The following AK5 variants were observed in gnomAD, a reference collection of about 807,000 sequenced individuals.
AK5 encodes the protein adenylate kinase 5, also known as adenylate kinase isoenzyme 5.
In AK5, 27 loss-of-function variants were observed where a neutral mutation model predicts 69.5. That is an observed-to-expected ratio of 0.39 (90% CI 0.29 to 0.54). The LOEUF (loss-of-function observed/expected upper bound fraction) is 0.54, where lower values mean the gene tolerates loss of function less well. Ranked by LOEUF, AK5 falls within the 20% of genes least tolerant of loss-of-function variation. AK5 has a pLI of 0.71. For missense variants in AK5, 531 were observed against 700.4 expected (o/e 0.76, Z 2.73); for synonymous variants, 260 against 244.4 (o/e 1.06, Z -0.60).
At chr1:77,467,264 A>G (rs527517686) in intron 8 of AK5, among the ~76,000 whole-genome samples, 2 of 152,250 alleles carry the variant, frequency 1.3e-5, no homozygotes, top group African/African-American at 4.8e-5. Flanking sequence ...CCCAAGCCTC[A>G]CTTTCTTTCC....
chr1:77,379,548 C>A (rs757205461), intron 6 of AK5, among the ~76,000 whole-genome samples: 1 of 152,126 alleles, frequency 6.6e-6, no homozygotes, highest in Admixed American at 6.5e-5. Context: ...GCAGTATGAT[C>A]CCCTGATACT....
intron 8 of AK5, among the ~76,000 whole-genome samples, chr1:77,453,655 A>T (rs925158280): frequency 1.4e-4 from 21 of 152,040 alleles, no homozygotes; most frequent in African/African-American, 4.6e-4. Flanking sequence ...GAAGGGACTG[A>T]CTCTTGCCTC....
At chr1:77,474,864 G>A (rs1375286360) in intron 8 of AK5, among the ~76,000 whole-genome samples, 1 of 152,092 alleles carries the variant, frequency 6.6e-6, no homozygotes, top group Non-Finnish European at 1.5e-5. Context: ...GAGCACAGTG[G>A]TGCAATCACA....
chr1:77,368,241 A>ATATATATATATATTT (rs71075737), intron 6 of AK5, among the ~76,000 whole-genome samples: 1 of 23,280 alleles, frequency 4.3e-5, no homozygotes, highest in Non-Finnish European at 1.1e-4. Flanking sequence ...ATATATATAT[A>ATATATATATATATTT]TATATATATA....
At chr1:77,412,457 C>T (rs74092611) in intron 7 of AK5, among the ~76,000 whole-genome samples, 2,346 of 152,234 alleles carry the variant, frequency 0.015, 65 homozygotes, top group African/African-American at 0.054. Flanking sequence ...CTCCTGAGAC[C>T]CCCTGAAAGC....
At position 77,350,901 on chromosome 1, in the gene AK5, A is replaced by G. The variant is rs542735877; in HGVS notation, c.891+10333A>G. On this transcript the variant is annotated intron_variant, in intron 6 of 13. Transcript: ENST00000354567. ...GGAGAGTAGAGTCAGTTGAATCACA[A>G]ATTTTTCTTTCCACTAATAACTGTT... is the stretch of plus-strand genomic sequence containing the variant. Among the ~76,000 whole-genome samples the G allele has an allele frequency of 2.3e-4, 35 of 152,256 alleles. No homozygotes were observed. In the South Asian group the frequency reaches 4.6e-3, roughly 20 times the overall value.
chr1:77,510,019 T>C lies in AK5; in HGVS notation c.1148-8545T>C, dbSNP rs1365015757. ...AAGAGGTTGAAGCTCAGAGCAGATA[T>C]GTGACTTGATCAAAGTCATCTAACC... On this transcript the variant is annotated intron_variant, in intron 10 of 13. Transcript: ENST00000354567. Among the ~76,000 whole-genome samples, 5 of 152,220 alleles carry C rather than the reference T, an allele frequency of 3.3e-5. 1 individual carries two copies. Among genetic ancestry groups the C allele is most frequent in the African/African-American group, 1.2e-4 (5 of 41,468 alleles).
intron 6 of AK5, among the ~76,000 whole-genome samples, chr1:77,368,303 A>ATATATATGTTATATATAATATATATGT (rs1464400422): frequency 2.1e-5 from 2 of 95,366 alleles, no homozygotes; most frequent in Non-Finnish European, 4.1e-5. Flanking sequence ...GTTATATATA[A>ATATATATGTTATATATAATATATATGT]TATATATGTT....
At chr1:77,475,543 T>C (rs1654885831) in intron 8 of AK5, among the ~76,000 whole-genome samples, 1 of 106,076 alleles carries the variant, frequency 9.4e-6, no homozygotes, top group African/African-American at 3.6e-5. Context: ...TACAAATATA[T>C]ATTATATATA....
At chr1:77,344,668 A>G (rs751071521) in intron 6 of AK5, among the ~76,000 whole-genome samples, 2 of 152,048 alleles carry the variant, frequency 1.3e-5, no homozygotes, top group Admixed American at 6.5e-5. Context: ...ATAATTTTTA[A>G]TCTTTCTTGT....
intron 6 of AK5, among the ~76,000 whole-genome samples, chr1:77,368,755 C>T (rs1647066143): frequency 6.6e-6 from 1 of 152,104 alleles, no homozygotes; most frequent in African/African-American, 2.4e-5. Context: ...GAATTTTCCA[C>T]TTGTGGCATC....
intron 5 of AK5, among the ~76,000 whole-genome samples, chr1:77,324,588 A>G (rs997850323): frequency 2.6e-5 from 4 of 152,076 alleles, no homozygotes; most frequent in Admixed American, 2.0e-4. Flanking sequence ...ACCCACCTGA[A>G]TGGGGCCACA....
At chr1:77,323,631 T>C (rs1660644718) in intron 5 of AK5, among the ~76,000 whole-genome samples, 1 of 152,224 alleles carries the variant, frequency 6.6e-6, no homozygotes, top group Non-Finnish European at 1.5e-5. Flanking sequence ...AGCAGGCCTT[T>C]CCATATCTGA....
intron 1 of AK5, chr1:77,282,700 T>TG: frequency 9.1e-7 from 1 of 1,097,500 alleles, no homozygotes; most frequent in Non-Finnish European, 1.1e-6. Flanking sequence ...CCGCACTCTC[T>TG]GGGGGCGAGG....
At chr1:77,462,886 A>G (rs1653926368) in intron 8 of AK5, among the ~76,000 whole-genome samples, 1 of 152,200 alleles carries the variant, frequency 6.6e-6, no homozygotes, top group African/African-American at 2.4e-5. Context: ...AATTTGTCTC[A>G]ATTCTTCATA....
intron 10 of AK5, among the ~76,000 whole-genome samples, chr1:77,497,092 G>T (rs1231123123): frequency 2.0e-5 from 3 of 152,232 alleles, no homozygotes; most frequent in Admixed American, 2.0e-4. Context: ...TTTTGGGTCT[G>T]CACTGCCTTT....
intron 8 of AK5, 47 bp downstream of exon 8, chr1:77,417,762 G>T (rs1650529380): frequency 1.7e-6 from 2 of 1,191,932 alleles, no homozygotes; most frequent in South Asian, 2.7e-5. Context: ...TTTTTAAGTT[G>T]AACCTTTGTA....
intron 6 of AK5, among the ~76,000 whole-genome samples, chr1:77,368,245 A>AAAATATATATATGTTATATATAT (rs1553140323): frequency 4.4e-5 from 3 of 67,906 alleles, no homozygotes; most frequent in African/African-American, 1.5e-4. Flanking sequence ...ATATATATAT[A>AAAATATATATATGTTATATATAT]TATATATAAT....
intron 12 of AK5, chr1:77,531,957 C>G (rs1658634309): frequency 6.7e-6 from 1 of 150,368 alleles, no homozygotes; most frequent in Non-Finnish European, 1.5e-5. Flanking sequence ...AGCTGCTGGC[C>G]CAGGTGCTAA....
Sources: allele counts gnomAD v4.1 joint callset (sites outside exome capture counted in the v4.1 genomes callset), GRCh38; gene constraint gnomAD v4.1.1; transcripts MANE v1.5; gene names NCBI Gene and HGNC (gene_info 2026-07-23, HGNC 2026-07-21).